Variants in THSD7B observed in about 807,000 individuals in gnomAD.
THSD7B encodes thrombospondin type 1 domain containing 7B, also known as thrombospondin type-1 domain-containing protein 7B.
THSD7B carries 138 observed loss-of-function variants against 213.6 expected under a neutral mutation model. The ratio of observed to expected loss-of-function variants is 0.65; its 90% CI spans 0.56 to 0.74. The LOEUF is 0.74. THSD7B is among the 30% of genes least tolerant of loss of function. THSD7B has a pLI of 0.00. For synonymous variants in THSD7B, 742 were observed against 687.0 expected, an observed-to-expected ratio of 1.08 and a Z score of -1.25; for missense variants, 1,931 against 1,991.5, an observed-to-expected ratio of 0.97 and a Z score of 0.58.
At chr2:137,033,595 T>A (rs1036794597) in intron 2 of THSD7B, among the ~76,000 whole-genome samples, 3 of 151,660 alleles carry the variant, frequency 2.0e-5, no homozygotes, top group Non-Finnish European at 4.4e-5. Flanking sequence ...TTCTTAGATA[T>A]TATTTTTATT....
intron 1 of THSD7B, among the ~76,000 whole-genome samples, chr2:136,874,910 G>C (rs1320699122): frequency 6.6e-6 from 1 of 152,072 alleles, no homozygotes; most frequent in Non-Finnish European, 1.5e-5. Flanking sequence ...CATAGTCATA[G>C]CATTTTTTTT....
At chr2:137,047,460 G>A (rs1686991822) in intron 2 of THSD7B, among the ~76,000 whole-genome samples, 1 of 152,192 alleles carries the variant, frequency 6.6e-6, no homozygotes, top group South Asian at 2.1e-4. Context: ...TGAAAGGAAA[G>A]TGACTTTATT....
intron 2 of THSD7B, among the ~76,000 whole-genome samples, chr2:136,890,411 T>C (rs1683811273): frequency 2.7e-3 from 3 of 1,122 alleles, no homozygotes; most frequent in Admixed American, 0.024. Flanking sequence ...CTCTTCCTCT[T>C]CTTCTTCTTC....
At chr2:137,092,635 G>T (rs1417685377) in intron 3 of THSD7B, among the ~76,000 whole-genome samples, 1 of 151,880 alleles carries the variant, frequency 6.6e-6, no homozygotes, top group Admixed American at 6.6e-5. Context: ...AACAATTTAA[G>T]ACTTCTTCTT....
In THSD7B at chr2:136,946,749, T is replaced by TA. The variant is rs759794186; in HGVS notation, c.139+64433dup. Among the ~76,000 whole-genome samples the TA allele has an allele frequency of 1.8e-4, 28 of 152,342 alleles. No individual in the cohort carries two copies. In the East Asian group the frequency reaches 2.1e-3, roughly 12 times the overall value. On this transcript the variant is annotated intron_variant, in intron 2 of 27. Transcript: ENST00000409968. ...GCAGGTTGATCTCAGTCTACTGCGC[T>TA]AGCAGTGAGCAAGGCTCCATGGGTG...
chr2:137,456,985 C>T (rs1372436646), intron 15 of THSD7B, among the ~76,000 whole-genome samples: 2 of 152,154 alleles, frequency 1.3e-5, no homozygotes, highest in African/African-American at 4.8e-5. Flanking sequence ...CAAGTTGTGG[C>T]ATTGCACTAA....
At chr2:137,387,834 C>T (rs569368297) in intron 12 of THSD7B, among the ~76,000 whole-genome samples, 80 of 152,304 alleles carry the variant, frequency 5.3e-4, no homozygotes, top group Admixed American at 9.2e-4. Flanking sequence ...AGTGTCTACT[C>T]TTCCCTTCTA....
chr2:137,391,657 A>C (rs1484381423), intron 12 of THSD7B, among the ~76,000 whole-genome samples: 2 of 151,750 alleles, frequency 1.3e-5, no homozygotes, highest in Non-Finnish European at 2.9e-5. Flanking sequence ...ACTGTACTCC[A>C]GACTGGACAA....
intron 1 of THSD7B, among the ~76,000 whole-genome samples, chr2:136,806,648 A>T (rs1003596348): frequency 6.6e-6 from 1 of 152,218 alleles, no homozygotes; most frequent in African/African-American, 2.4e-5. Context: ...CTGTTGTAAC[A>T]TCTTACATCA....
intron 2 of THSD7B, among the ~76,000 whole-genome samples, chr2:137,004,279 C>A (rs1686059499): frequency 6.8e-6 from 1 of 146,526 alleles, no homozygotes; most frequent in African/African-American, 2.5e-5. Flanking sequence ...TCCCGTGACC[C>A]AGTGTGTGTG....
rs1681371827 is a variant in THSD7B at position 137,572,354 on chromosome 2, A to G, written c.3273-52A>G. On this transcript the variant is annotated intron_variant, in intron 16 of 27. Coordinates refer to ENST00000409968, the MANE Select transcript of THSD7B (RefSeq NM_001316349.2). ...ATGATACATCATAACTATTTTAAAT[A>G]TACTCTCCACTGTTTTAAATAATCA... is the stretch of plus-strand genomic sequence containing the variant. 5.7e-6 allele frequency: 9 copies of G among 1,592,660 alleles called. No homozygotes were observed. The Admixed American group carries it at 8.5e-5, about 15-fold the overall frequency.
intron 15 of THSD7B, among the ~76,000 whole-genome samples, chr2:137,485,275 G>C (rs1046420771): frequency 1.4e-5 from 2 of 146,392 alleles, no homozygotes; most frequent in African/African-American, 5.1e-5. Flanking sequence ...TTATTAAATA[G>C]GGAATCCTTT....
chr2:137,172,777 T>C (rs1680281029), intron 7 of THSD7B, among the ~76,000 whole-genome samples: 1 of 152,070 alleles, frequency 6.6e-6, no homozygotes, highest in Non-Finnish European at 1.5e-5. Flanking sequence ...TGAGCGGCAG[T>C]CTTGAAGGAC....
At chr2:137,041,878 C>T (rs988422204) in intron 2 of THSD7B, among the ~76,000 whole-genome samples, 2 of 152,146 alleles carry the variant, frequency 1.3e-5, no homozygotes, top group Non-Finnish European at 2.9e-5. Context: ...AACCCCAGCA[C>T]AGCACAAGGT....
intron 2 of THSD7B, among the ~76,000 whole-genome samples, chr2:136,948,425 C>CTTTTTTTTT (rs34273193): frequency 6.7e-6 from 1 of 149,388 alleles, no homozygotes; most frequent in Non-Finnish European, 1.5e-5. Flanking sequence ...TCCCCCATAC[C>CTTTTTTTTT]TTTCTTTTTT....
chr2:136,977,183 T>C (rs1206803304), intron 2 of THSD7B, among the ~76,000 whole-genome samples: 1 of 152,228 alleles, frequency 6.6e-6, no homozygotes, highest in Non-Finnish European at 1.5e-5. Context: ...GGTTCAGCCT[T>C]GGGAATGTGT....
At chr2:137,098,858 C>T (rs778348231) in intron 4 of THSD7B, among the ~76,000 whole-genome samples, 44 of 152,252 alleles carry the variant, frequency 2.9e-4, no homozygotes, top group Admixed American at 5.9e-4. Context: ...CTGGGGTTAC[C>T]ACACTACCAA....
At chr2:137,032,724 G>C (rs1686697966) in intron 2 of THSD7B, among the ~76,000 whole-genome samples, 1 of 152,120 alleles carries the variant, frequency 6.6e-6, no homozygotes, top group South Asian at 2.1e-4. Context: ...TTGGAAGGTA[G>C]ATTTTAGAAA....
At chr2:136,957,222 G>A (rs1050505594) in intron 2 of THSD7B, among the ~76,000 whole-genome samples, 2 of 152,190 alleles carry the variant, frequency 1.3e-5, no homozygotes, top group Non-Finnish European at 2.9e-5. Flanking sequence ...TAACCAGAAA[G>A]AGACTCATTT....
Sources: allele counts gnomAD v4.1 joint callset (sites outside exome capture counted in the v4.1 genomes callset), GRCh38; gene constraint gnomAD v4.1.1; transcripts MANE v1.5; gene names NCBI Gene and HGNC (gene_info 2026-07-23, HGNC 2026-07-21).